FAM163A: variants seen among roughly 807,000 people sequenced by gnomAD.
FAM163A encodes the protein protein FAM163A.
In FAM163A, 7 loss-of-function variants were observed where a neutral mutation model predicts 12.0. That is an observed-to-expected ratio of 0.58 (90% CI 0.33 to 1.10). FAM163A has a LOEUF of 1.10. Among genes scored for constraint, FAM163A ranks in the 50% least tolerant of loss-of-function variants. The pLI is 0.03. For missense variants in FAM163A, 202 were observed against 218.6 expected (o/e 0.92, Z 0.48); for synonymous variants, 101 against 91.0 (o/e 1.11, Z -0.62).
chr1:179,743,780 C>T lies in FAM163A; in HGVS notation c.-136+357C>T, dbSNP rs186943128. The stretch of plus-strand genomic sequence containing the variant: ...GGGCCGGACTTGCCGGGTCCCTGCC[C>T]CCGGGCCGTGCCGAAGGCGCTCTAC... On this transcript the variant is annotated intron_variant, in intron 1 of 4. Transcript: ENST00000341785. Among the ~76,000 whole-genome samples the T allele has an allele frequency of 8.6e-3, 1,305 of 152,246 alleles. 46 individuals carry two copies. The highest frequency in any genetic ancestry group is 0.056 in the Admixed American group (851 of 15,298).
chr1:179,807,535 G>A (rs534215358), intron 1 of FAM163A, among the ~76,000 whole-genome samples: 14 of 152,320 alleles, frequency 9.2e-5, no homozygotes, highest in Non-Finnish European at 1.3e-4. Context: ...GCATCCTGCC[G>A]CTGCCCTGGG....
intron 2 of FAM163A, among the ~76,000 whole-genome samples, chr1:179,810,815 C>A (rs1694606524): frequency 1.3e-5 from 2 of 152,070 alleles, no homozygotes; most frequent in African/African-American, 4.8e-5. Context: ...GGTGGATCAC[C>A]CACCTTGGTG....
chr1:179,793,824 A>G (rs1691872074), intron 1 of FAM163A, among the ~76,000 whole-genome samples: 2 of 152,252 alleles, frequency 1.3e-5, no homozygotes, highest in South Asian at 2.1e-4. Context: ...GCATTTGGCC[A>G]GGTTGCAGAG....
At chr1:179,752,776 A>C (rs1371522153) in intron 1 of FAM163A, among the ~76,000 whole-genome samples, 1 of 152,244 alleles carries the variant, frequency 6.6e-6, no homozygotes, top group African/African-American at 2.4e-5. Flanking sequence ...GATGGCAGTT[A>C]TCAAAGTATA....
rs145928594 is a variant in FAM163A at position 179,795,478 on chromosome 1, A to G, written c.-135-12320A>G. On this transcript the variant is annotated intron_variant, in intron 1 of 4. Transcript: ENST00000341785. ...GGGAATGGGCTCCTGATAAAAGGAT[A>G]AATTGGCCTGCATTTTCACTTGCTC... 6.9e-3 allele frequency among the ~76,000 whole-genome samples: 1,047 copies of G among 152,280 alleles called. 13 individuals carry two copies. Among genetic ancestry groups the G allele is most frequent in the African/African-American group, 0.023 (937 of 41,540 alleles).
intron 1 of FAM163A, among the ~76,000 whole-genome samples, chr1:179,777,942 C>A (rs1245967496): frequency 6.6e-6 from 1 of 152,206 alleles, no homozygotes; most frequent in Non-Finnish European, 1.5e-5. Context: ...GCTATGCTAT[C>A]CTCCCTGCGA....
intron 1 of FAM163A, among the ~76,000 whole-genome samples, chr1:179,802,527 C>T (rs776619200): frequency 9.9e-5 from 15 of 152,188 alleles, no homozygotes; most frequent in African/African-American, 2.9e-4. Flanking sequence ...AGCCCAGCAA[C>T]GGTAACAAAC....
At chr1:179,762,256 G>T (rs1686924092) in intron 1 of FAM163A, among the ~76,000 whole-genome samples, 1 of 152,180 alleles carries the variant, frequency 6.6e-6, no homozygotes, top group Admixed American at 6.5e-5. Flanking sequence ...GAATTCAATG[G>T]TTCTTTCTGT....
chr1:179,750,737 A>G (rs1408726017), intron 1 of FAM163A, among the ~76,000 whole-genome samples: 1 of 152,224 alleles, frequency 6.6e-6, no homozygotes, highest in African/African-American at 2.4e-5. Context: ...TTCTATTTCA[A>G]AAAGGTCACT....
chr1:179,742,902 A>C (rs1683831488), upstream of FAM163A, among the ~76,000 whole-genome samples: 1 of 152,114 alleles, frequency 6.6e-6, no homozygotes, highest in Non-Finnish European at 1.5e-5. Flanking sequence ...CGGAAATAGG[A>C]ACACAGAGGA....
At chr1:179,754,715 C>T (rs185372267) in intron 1 of FAM163A, among the ~76,000 whole-genome samples, 548 of 152,278 alleles carry the variant, frequency 3.6e-3, no homozygotes, top group Non-Finnish European at 5.0e-3. Context: ...CAGGTTATGG[C>T]GATGAGAGGC....
At chr1:179,808,970 G>C (rs558706638) in intron 2 of FAM163A, among the ~76,000 whole-genome samples, 1 of 152,288 alleles carries the variant, frequency 6.6e-6, no homozygotes, top group Admixed American at 6.5e-5. Context: ...AGCCAGCCGT[G>C]GTAGCACATG....
chr1:179,738,545 T>A (rs759094757), upstream of FAM163A, among the ~76,000 whole-genome samples: 1 of 152,154 alleles, frequency 6.6e-6, no homozygotes, highest in Non-Finnish European at 1.5e-5. Flanking sequence ...ATTCCAGGAA[T>A]GCAAAGCTGG....
chr1:179,750,995 A>G (rs1303798833), intron 1 of FAM163A, among the ~76,000 whole-genome samples: 1 of 152,172 alleles, frequency 6.6e-6, no homozygotes, highest in Admixed American at 6.5e-5. Flanking sequence ...GCTTTGTACC[A>G]GTGGTTGGTG....
At chr1:179,734,173 C>T in the FAM163A span, among the ~76,000 whole-genome samples, 1 of 152,182 alleles carries the variant, frequency 6.6e-6, no homozygotes, top group African/African-American at 2.4e-5. Context: ...TCAAATGTTG[C>T]ACTCAACAGA....
chr1:179,737,382 T>G, the FAM163A span, among the ~76,000 whole-genome samples: 9 of 152,204 alleles, frequency 5.9e-5, no homozygotes, highest in Admixed American at 5.9e-4. Flanking sequence ...TGTTGTTCAA[T>G]GGCTATACAG....
intron 1 of FAM163A, among the ~76,000 whole-genome samples, chr1:179,788,317 CT>C (rs1349125658): frequency 2.6e-5 from 4 of 152,212 alleles, no homozygotes; most frequent in African/African-American, 9.7e-5. Context: ...CGATATTTCT[CT>C]TGTTTGAAAT....
At chr1:179,762,578 A>G (rs1686961225) in intron 1 of FAM163A, among the ~76,000 whole-genome samples, 1 of 152,228 alleles carries the variant, frequency 6.6e-6, no homozygotes, top group African/African-American at 2.4e-5. Flanking sequence ...TTTGAGGGAA[A>G]TGCTTTCTTT....
At chr1:179,787,941 G>A (rs1690887112) in intron 1 of FAM163A, among the ~76,000 whole-genome samples, 1 of 152,202 alleles carries the variant, frequency 6.6e-6, no homozygotes, top group African/African-American at 2.4e-5. Context: ...GTTACAAAGC[G>A]ACCTGGATGT....
Sources: allele counts gnomAD v4.1 joint callset (sites outside exome capture counted in the v4.1 genomes callset), GRCh38; gene constraint gnomAD v4.1.1; transcripts MANE v1.5; gene names NCBI Gene and HGNC (gene_info 2026-07-23, HGNC 2026-07-21).